Variants in DPP8 observed in about 807,000 individuals in gnomAD.
The protein encoded by DPP8 is DPP VIII.
A neutral mutation model predicts 107.5 loss-of-function variants in DPP8; 31 were observed. The observed-to-expected ratio is 0.29, with a 90% CI of 0.22 to 0.39. The LOEUF is 0.39. DPP8 is among the 10% of genes least tolerant of loss of function. DPP8 has a pLI of 1.00. For missense variants in DPP8, 842 were observed against 1,076.1 expected (o/e 0.78, Z 3.04); for synonymous variants, 381 against 356.6 (o/e 1.07, Z -0.77).
Position 65,466,735 on chromosome 15 carries a change from C to T in DPP8, c.1768G>A (p.Glu590Lys), listed in dbSNP as rs771871752. ...TTTGTTTTGCAAGTTGGGTCATCTT[C>T]AGGACTTGATAGCTTGTAAAGGGAC... ...CVSLYKLSSPEDDPTCKTKEF... is the reference protein window; with the variant it reads ...CVSLYKLSSPKDDPTCKTKEF... Residue 590 changes from glutamate to lysine, a missense_variant, in exon 14 of 20, where the codon GAA (glutamate) becomes AAA (lysine). Physicochemically the swap from Glu to Lys is moderately conservative, Grantham distance 56. Coordinates refer to ENST00000300141, the MANE Select transcript of DPP8 (RefSeq NM_130434.5). 1 of 1,614,046 alleles carries T rather than the reference C, an allele frequency of 6.2e-7. No homozygotes were observed. Among genetic ancestry groups the T allele is most frequent in the South Asian group, 1.1e-5 (1 of 91,084 alleles).
rs1355569258 is a variant in DPP8 at position 65,468,540 on chromosome 15, A to G, written c.1537-1317T>C. Reference sequence around the variant, plus strand: ...ATTTTTTACACAGCAATGAAAACACATATAAATTTCTAAAAGCAAGTTATT... The same window carrying G: ...ATTTTTTACACAGCAATGAAAACACGTATAAATTTCTAAAAGCAAGTTATT... On this transcript the variant is annotated intron_variant, in intron 12 of 19. Transcript: ENST00000300141. 2.0e-5 allele frequency among the ~76,000 whole-genome samples: 3 copies of G among 152,108 alleles called. No individual in the cohort carries two copies. In the South Asian group the frequency reaches 6.2e-4, roughly 32 times the overall value.
intron 7 of DPP8, among the ~76,000 whole-genome samples, chr15:65,486,734 TG>T (rs2067478786): frequency 6.6e-6 from 1 of 152,100 alleles, no homozygotes; most frequent in Admixed American, 6.6e-5. Flanking sequence ...AACTCAAGAA[TG>T]GAAAACCAAG....
chr15:65,503,157 T>C (rs2069455062), intron 3 of DPP8, among the ~76,000 whole-genome samples: 1 of 152,156 alleles, frequency 6.6e-6, no homozygotes, highest in African/African-American at 2.4e-5. Context: ...GCCCAGGCTG[T>C]AGTGCAATGG....
chr15:65,481,028 G>C (rs1478493171), intron 9 of DPP8, among the ~76,000 whole-genome samples: 1 of 151,468 alleles, frequency 6.6e-6, no homozygotes, highest in Non-Finnish European at 1.5e-5. Context: ...AGGCTGCAGT[G>C]AGCCATGATT....
In DPP8 at chr15:65,512,379, T is replaced by C. The variant is rs762624084; in HGVS notation, c.175A>G (p.Met59Val). ...AAATCATGTGGTGCCTTAGCCATCATGTAGCCATGATATTTTCTGGTATCG... is the reference window on the plus strand; with the variant it reads ...AAATCATGTGGTGCCTTAGCCATCACGTAGCCATGATATTTTCTGGTATCG... ...LADTRKYHGY[M>V]MAKAPHDFMF... Residue 59 changes from methionine to valine, a missense_variant, in exon 2 of 20, where the codon ATG becomes GTG. Coordinates refer to ENST00000300141, the MANE Select transcript of DPP8 (RefSeq NM_130434.5). The C allele has an allele frequency of 8.7e-6, 14 of 1,614,052 alleles. No individual in the cohort carries two copies. The highest frequency in any genetic ancestry group is 1.3e-5 in the African/African-American group (1 of 74,944).
In DPP8 at chr15:65,446,459, T is replaced by C. The variant is rs2063500929; in HGVS notation, c.*425A>G. The C allele has an allele frequency of 6.5e-6, 1 of 152,770 alleles. No homozygotes were observed. Among genetic ancestry groups the C allele is most frequent in the African/African-American group, 2.4e-5 (1 of 41,466 alleles). 9.5% of individuals were successfully genotyped at this position (152,770 alleles called of 1,614,324 possible). A position where few individuals can be genotyped will look rare whatever the true frequency, so the allele number is the denominator to read the frequency against. ...ATTTAAGTGCTATCAAATCTGTAAC[T>C]AGTCAAAGATTCTGGAACTGAACCA... On this transcript the variant is annotated 3_prime_UTR_variant, in exon 20 of 20. Coordinates refer to ENST00000300141, the MANE Select transcript of DPP8 (RefSeq NM_130434.5).
At chr15:65,474,676 T>G (rs566170424) in intron 11 of DPP8, among the ~76,000 whole-genome samples, 18 of 152,212 alleles carry the variant, frequency 1.2e-4, no homozygotes, top group Non-Finnish European at 2.1e-4. Context: ...CTCACTATAT[T>G]GCCCACGCTG....
At chr15:65,489,491 G>C (rs2067792615) in intron 6 of DPP8, among the ~76,000 whole-genome samples, 1 of 133,920 alleles carries the variant, frequency 7.5e-6, no homozygotes, top group South Asian at 2.3e-4. Context: ...TTGGCTCATT[G>C]CAAGCTCCAC....
intron 8 of DPP8, among the ~76,000 whole-genome samples, chr15:65,484,839 T>C (rs1038699031): frequency 2.0e-5 from 3 of 152,162 alleles, no homozygotes; most frequent in Non-Finnish European, 4.4e-5. Context: ...CCTTTTTTTC[T>C]TTTAACATTA....
intron 3 of DPP8, among the ~76,000 whole-genome samples, chr15:65,503,704 C>T (rs2069541035): frequency 6.6e-6 from 1 of 152,104 alleles, no homozygotes; most frequent in African/African-American, 2.4e-5. Flanking sequence ...CTCACTGCAA[C>T]CTCTGCCTCC....
Position 65,467,180 on chromosome 15 carries a change from G to T in DPP8, c.1580C>A (p.Thr527Asn). The part of the protein sequence containing the change: ...EVRRLVYFEG[T>N]KDSPLEHHLY... ...GTGATGCTCTAAAGGGGAGTCTTTG[G>T]TGCCTTCAAAATATACCAGCCTTCT... Residue 527 changes from threonine (T) to asparagine (N), a missense_variant, in exon 13 of 20, where the codon ACC becomes AAC. This residue lies in a region of DPP8 where 663 missense variants were observed against 758.0 expected (regional missense o/e 0.87). Coordinates refer to ENST00000300141, the MANE Select transcript of DPP8 (RefSeq NM_130434.5). The T allele has an allele frequency of 6.2e-7, 1 of 1,614,076 alleles. No homozygotes were observed. The highest frequency in any genetic ancestry group is 8.5e-7 in the Non-Finnish European group (1 of 1,180,028).
chr15:65,468,701 A>C (rs1317876413), intron 12 of DPP8, among the ~76,000 whole-genome samples: 1 of 152,186 alleles, frequency 6.6e-6, no homozygotes, highest in Non-Finnish European at 1.5e-5. Context: ...AAATGATAGG[A>C]AACAAATATT....
At chr15:65,496,614 T>C (rs920130219) in intron 5 of DPP8, among the ~76,000 whole-genome samples, 2 of 152,190 alleles carry the variant, frequency 1.3e-5, no homozygotes, top group African/African-American at 2.4e-5. Flanking sequence ...CTATTTTTTC[T>C]ATTATGACAA....
At chr15:65,509,439 A>C (rs1034177117) in intron 2 of DPP8, among the ~76,000 whole-genome samples, 1 of 152,160 alleles carries the variant, frequency 6.6e-6, no homozygotes, top group Non-Finnish European at 1.5e-5. Context: ...TCCCCAGCAC[A>C]TTCTATGTTC....
intron 15 of DPP8, chr15:65,458,623 G>C (rs148890282): frequency 7.5e-4 from 114 of 152,214 alleles, no homozygotes; most frequent in African/African-American, 2.6e-3. Flanking sequence ...ACTGATCCTT[G>C]ATAACTTTAG....
chr15:65,489,452 C>T (rs189775639), intron 6 of DPP8, among the ~76,000 whole-genome samples: 84 of 118,290 alleles, frequency 7.1e-4, no homozygotes, highest in Non-Finnish European at 1.0e-3. Context: ...CTCGCTGTGT[C>T]GCCCAGGCTG....
At chr15:65,469,157 T>C (rs952214219) in intron 12 of DPP8, among the ~76,000 whole-genome samples, 13 of 151,704 alleles carry the variant, frequency 8.6e-5, no homozygotes, top group African/African-American at 3.1e-4. Context: ...GTATTTTGAG[T>C]AGAGACGGGG....
At chr15:65,465,085 A>T (rs1348504866) in intron 14 of DPP8, among the ~76,000 whole-genome samples, 1 of 152,132 alleles carries the variant, frequency 6.6e-6, no homozygotes, top group Non-Finnish European at 1.5e-5. Context: ...AGCAGAGATC[A>T]TCACCATATT....
At chr15:65,495,272 A>G (rs1478384765) in intron 5 of DPP8, among the ~76,000 whole-genome samples, 2 of 152,132 alleles carry the variant, frequency 1.3e-5, no homozygotes, top group Non-Finnish European at 2.9e-5. Context: ...TTTTCTGGAA[A>G]GCCTTCCCTG....
Sources: allele counts gnomAD v4.1 joint callset (sites outside exome capture counted in the v4.1 genomes callset), GRCh38; gene constraint gnomAD v4.1.1; regional missense constraint gnomAD v4.1.1; transcripts MANE v1.5; gene names NCBI Gene and HGNC (gene_info 2026-07-23, HGNC 2026-07-21).